EFCAB6: variants seen among roughly 807,000 people sequenced by gnomAD.
EFCAB6 encodes EF-hand calcium-binding domain-containing protein 6.
In EFCAB6, 156 loss-of-function variants were observed where a neutral mutation model predicts 169.8. The observed-to-expected ratio is 0.92, with a 90% CI of 0.81 to 1.05. The LOEUF (loss-of-function observed/expected upper bound fraction) is 1.05, where lower values mean the gene tolerates loss of function less well. Ranked by LOEUF, EFCAB6 falls within the 50% of genes least tolerant of loss-of-function variation. EFCAB6 has a pLI of 0.00. For missense variants in EFCAB6, 1,800 were observed against 1,829.1 expected (o/e 0.98, Z 0.29); for synonymous variants, 698 against 676.4 (o/e 1.03, Z -0.50).
rs1178974136 is a variant in EFCAB6, at chr22:43,554,889, G to A, written c.3628C>T (p.Gln1210Ter). Reference sequence around the variant, plus strand: ...CTTACCTGTTCGTCCGTCAGGATTTGGACGCGGCGATTACAAATGGCCCTA... The same window carrying A: ...CTTACCTGTTCGTCCGTCAGGATTTAGACGCGGCGATTACAAATGGCCCTA... ...EFRAICNRRV[Q>*]ILTDEQFDRL... The change falls in exon 27 of 32, where the codon CAA (glutamine) becomes TAA (stop). Residue 1210 changes from glutamine to a stop codon, truncating the protein, a stop_gained. Transcript: ENST00000262726. LOFTEE classifies it high-confidence loss of function. 3.1e-6 allele frequency: 5 copies of A among 1,614,190 alleles called. No individual in the cohort carries two copies. The highest frequency in any genetic ancestry group is 4.2e-6 in the Non-Finnish European group (5 of 1,180,036).
chr22:43,674,980 A>G (rs1477580085), intron 13 of EFCAB6, among the ~76,000 whole-genome samples: 2 of 152,026 alleles, frequency 1.3e-5, no homozygotes, highest in African/African-American at 4.8e-5. Flanking sequence ...AGGCTTCCAC[A>G]AGACACATAC....
At position 43,626,649 on chromosome 22, in the gene EFCAB6, C is replaced by T; in HGVS notation, c.2263G>A (p.Ala755Thr). The change falls in exon 20 of 32, where the codon GCT becomes ACT. Residue 755 changes from alanine to threonine, a missense_variant. By Grantham distance (58) the Ala-to-Thr change is moderately conservative. Coordinates refer to ENST00000262726, the MANE Select transcript of EFCAB6 (RefSeq NM_022785.4). ...DPYSAFFKTD[A>T]DRDGIINMHD... ...ATGTTGATTATGCCATCCCTGTCAG[C>T]ATCTGTTTTAAAGAAGGCAGAGTAG... is the stretch of plus-strand genomic sequence containing the variant. 6.2e-7 allele frequency: 1 copy of T among 1,614,190 alleles called. No individual in the cohort carries two copies. Among genetic ancestry groups the T allele is most frequent in the South Asian group, 1.1e-5 (1 of 91,082 alleles).
chr22:43,642,357 C>G (rs1039060162), intron 17 of EFCAB6, among the ~76,000 whole-genome samples: 5 of 151,936 alleles, frequency 3.3e-5, no homozygotes, highest in Non-Finnish European at 7.4e-5. Context: ...ATTTTTATTT[C>G]TTTACATACC....
chr22:43,617,648 C>G (rs34041682), intron 20 of EFCAB6, among the ~76,000 whole-genome samples: 1 of 152,138 alleles, frequency 6.6e-6, no homozygotes, highest in Non-Finnish European at 1.5e-5. Context: ...TCAGATCCAG[C>G]CTTCCTTCCT....
chr22:43,618,165 G>GGAAGGAAGGAAAGAAAGAAAGAAA (rs1486097443), intron 20 of EFCAB6, among the ~76,000 whole-genome samples: 19 of 68,236 alleles, frequency 2.8e-4, no homozygotes, highest in East Asian at 2.0e-3. Context: ...AAGGAAGGAA[G>GGAAGGAAGGAAAGAAAGAAAGAAA]GAAAGAAAGA....
At chr22:43,738,479 TCACA>T (rs558879280) in intron 6 of EFCAB6, among the ~76,000 whole-genome samples, 220 of 147,428 alleles carry the variant, frequency 1.5e-3, no homozygotes, top group African/African-American at 5.2e-3. Flanking sequence ...ACACATATAT[TCACA>T]CACACACATG....
chr22:43,784,926 T>C, intron 2 of EFCAB6, among the ~76,000 whole-genome samples: 1 of 150,978 alleles, frequency 6.6e-6, no homozygotes. Flanking sequence ...GAAAGAAAGA[T>C]ATATGTCAGA....
chr22:43,594,022 T>A (rs2051781022), intron 23 of EFCAB6, among the ~76,000 whole-genome samples: 1 of 152,084 alleles, frequency 6.6e-6, no homozygotes, highest in Admixed American at 6.5e-5. Flanking sequence ...ACACCTGTAA[T>A]CTCAGCACTT....
intron 3 of EFCAB6, among the ~76,000 whole-genome samples, chr22:43,781,929 T>A (rs904792029): frequency 3.3e-5 from 5 of 152,162 alleles, no homozygotes; most frequent in Admixed American, 6.5e-5. Flanking sequence ...AGCCCCTGAA[T>A]TCTGGAATCA....
chr22:43,567,333 A>AT lies in EFCAB6; in HGVS notation c.3420+8963dup, dbSNP rs144423858. On this transcript the variant is annotated intron_variant, in intron 26 of 31. Coordinates refer to ENST00000262726, the MANE Select transcript of EFCAB6 (RefSeq NM_022785.4). ...TATGCCACCCTTCCACCCTTTAATG[A>AT]TTCAATAAATTCATGGGTGAAGTCA... Among the ~76,000 whole-genome samples, 165 of 152,346 alleles carry AT rather than the reference A, an allele frequency of 1.1e-3. 1 individual carries two copies. Among genetic ancestry groups the AT allele is most frequent in the African/African-American group, 3.8e-3 (156 of 41,580 alleles).
intron 17 of EFCAB6, 144 bp from the exon 18 acceptor site, chr22:43,635,360 T>A: frequency 1.5e-6 from 1 of 648,110 alleles, no homozygotes; most frequent in Non-Finnish European, 2.8e-6. Context: ...TGCCAGGGGG[T>A]GGGACCGAGT....
chr22:43,597,406 G>T (rs1310407849), intron 23 of EFCAB6, among the ~76,000 whole-genome samples: 1 of 152,052 alleles, frequency 6.6e-6, no homozygotes, highest in Non-Finnish European at 1.5e-5. Flanking sequence ...AGCATGAAAA[G>T]AAATAACCTG....
At chr22:43,699,430 C>T (rs1331491365) in intron 10 of EFCAB6, among the ~76,000 whole-genome samples, 3 of 152,162 alleles carry the variant, frequency 2.0e-5, no homozygotes, top group Non-Finnish European at 4.4e-5. Context: ...CCTGGCTTCC[C>T]CCTGTTCGTA....
intron 5 of EFCAB6, among the ~76,000 whole-genome samples, chr22:43,763,963 A>G (rs1184555178): frequency 6.6e-6 from 1 of 151,794 alleles, no homozygotes; most frequent in East Asian, 1.9e-4. Flanking sequence ...AGATCTCACT[A>G]TATCGTCCAG....
At chr22:43,674,918 G>A (rs948136024) in intron 13 of EFCAB6, among the ~76,000 whole-genome samples, 4 of 151,926 alleles carry the variant, frequency 2.6e-5, no homozygotes, top group Non-Finnish European at 5.9e-5. Context: ...TGGCCACTAG[G>A]CTTGATCTGA....
chr22:43,578,885 T>C (rs1416023839), intron 25 of EFCAB6, among the ~76,000 whole-genome samples: 2 of 146,256 alleles, frequency 1.4e-5, no homozygotes, highest in Admixed American at 6.8e-5. Flanking sequence ...ATTGTCTACA[T>C]GCAAGCATCA....
chr22:43,655,067 G>A (rs2056668314), intron 17 of EFCAB6, among the ~76,000 whole-genome samples: 1 of 152,138 alleles, frequency 6.6e-6, no homozygotes. Flanking sequence ...AGACCAGCCT[G>A]GCCAACATAG....
chr22:43,552,809 A>G (rs1359767530), intron 27 of EFCAB6: 1 of 152,226 alleles, frequency 6.6e-6, no homozygotes, highest in Non-Finnish European at 1.5e-5. Flanking sequence ...GTGAAATTAA[A>G]AAAATCTTTA....
intron 2 of EFCAB6, among the ~76,000 whole-genome samples, chr22:43,800,860 T>C (rs918206562): frequency 4.6e-5 from 7 of 152,074 alleles, no homozygotes; most frequent in African/African-American, 1.4e-4. Flanking sequence ...AAAGATGAGA[T>C]TTTAAAAAAT....
Sources: gnomAD v4.1 joint callset for allele counts (sites outside exome capture counted in the v4.1 genomes callset) on GRCh38, gnomAD v4.1.1 for gene constraint, MANE v1.5 for transcripts, NCBI Gene and HGNC (gene_info 2026-07-23, HGNC 2026-07-21) for gene names.